The following GALNT1 variants were observed in gnomAD, a reference collection of about 807,000 sequenced individuals.
The protein encoded by GALNT1 is polypeptide N-acetylgalactosaminyltransferase 1, also known as GalNAc transferase 1.
Under a neutral mutation model 65.7 loss-of-function variants are expected in GALNT1, and 17 were observed. The ratio of observed to expected loss-of-function variants is 0.26; its 90% CI spans 0.18 to 0.39. GALNT1 has a LOEUF of 0.39. Ranked by LOEUF, GALNT1 falls within the 10% of genes least tolerant of loss-of-function variation. The probability of loss-of-function intolerance (pLI) is 1.00; values close to 1 mark genes in which losing one functional copy is unlikely to be tolerated. For missense variants in GALNT1, 460 were observed against 672.8 expected (o/e 0.68, Z 3.50); for synonymous variants, 210 against 219.7 (o/e 0.96, Z 0.39).
chr18:35,659,019 C>T (rs1191338887), intron 2 of GALNT1, among the ~76,000 whole-genome samples: 1 of 152,002 alleles, frequency 6.6e-6, no homozygotes, highest in Non-Finnish European at 1.5e-5. Context: ...ATCAAAGTCT[C>T]TCTTAATAGA....
chr18:35,637,769 A>G (rs1488178095), intron 1 of GALNT1, among the ~76,000 whole-genome samples: 1 of 150,358 alleles, frequency 6.7e-6, no homozygotes, highest in African/African-American at 2.5e-5. Flanking sequence ...TCATAGGTAG[A>G]GAGAAGTCAG....
rs147939443 is a variant in GALNT1 at position 35,631,456 on chromosome 18, C to T, written c.-103-23104C>T. On this transcript the variant is annotated intron_variant, in intron 1 of 11. Transcript: ENST00000269195. ...TATAAACAGAACCAACGAGAAAAGCCACATGATTATCTCAATAGATGCAGA... is the reference window on the plus strand; with the variant it reads ...TATAAACAGAACCAACGAGAAAAGCTACATGATTATCTCAATAGATGCAGA... Among the ~76,000 whole-genome samples, 6 of 152,166 alleles carry T rather than the reference C, an allele frequency of 3.9e-5. No individual in the cohort carries two copies. The East Asian group carries it at 1.2e-3, about 29-fold the overall frequency.
chr18:35,619,121 G>A (rs2046820674), intron 1 of GALNT1, among the ~76,000 whole-genome samples: 2 of 152,146 alleles, frequency 1.3e-5, no homozygotes, highest in African/African-American at 2.4e-5. Context: ...TGGTACCTGC[G>A]ATAAATCTGT....
At chr18:35,605,006 TTCA>T (rs1405873160) in intron 1 of GALNT1, among the ~76,000 whole-genome samples, 1 of 152,208 alleles carries the variant, frequency 6.6e-6, no homozygotes. Flanking sequence ...TAATTTACTT[TTCA>T]TCTCAGATAT....
intron 11 of GALNT1, among the ~76,000 whole-genome samples, chr18:35,706,527 AAAG>A (rs2048264224): frequency 6.6e-6 from 1 of 151,848 alleles, no homozygotes; most frequent in Non-Finnish European, 1.5e-5. Context: ...ATTTTAAAAA[AAAG>A]AGCCAGTTAT....
At chr18:35,694,035 G>T (rs2048012472) in intron 9 of GALNT1, among the ~76,000 whole-genome samples, 1 of 152,116 alleles carries the variant, frequency 6.6e-6, no homozygotes, top group African/African-American at 2.4e-5. Flanking sequence ...AAGAGGAAGT[G>T]ATCAGCTGTA....
chr18:35,679,534 A>C (rs1275162085), intron 4 of GALNT1, among the ~76,000 whole-genome samples: 3 of 152,130 alleles, frequency 2.0e-5, no homozygotes, highest in Admixed American at 6.5e-5. Flanking sequence ...CTGTGAGAGG[A>C]AACTGGTGTG....
At chr18:35,619,325 G>C (rs1374587895) in intron 1 of GALNT1, among the ~76,000 whole-genome samples, 2 of 152,042 alleles carry the variant, frequency 1.3e-5, no homozygotes, top group Admixed American at 1.3e-4. Flanking sequence ...GATCTCAAAA[G>C]GTCGCTTAAG....
At chr18:35,643,159 A>G (rs2047187457) in intron 1 of GALNT1, among the ~76,000 whole-genome samples, 1 of 152,048 alleles carries the variant, frequency 6.6e-6, no homozygotes, top group African/African-American at 2.4e-5. Context: ...TCTGTTTGTA[A>G]TGGTTACATA....
chr18:35,675,134 T>C (rs1042650374), intron 3 of GALNT1, among the ~76,000 whole-genome samples: 6 of 150,658 alleles, frequency 4.0e-5, no homozygotes, highest in Non-Finnish European at 8.9e-5. Flanking sequence ...CCCATCCCCC[T>C]ACCCACTTCA....
chr18:35,633,943 A>G (rs2047055978), intron 1 of GALNT1, among the ~76,000 whole-genome samples: 1 of 152,198 alleles, frequency 6.6e-6, no homozygotes, highest in Non-Finnish European at 1.5e-5. Context: ...TAATCCTGTC[A>G]TGTGATCTAG....
rs999638934 is a variant in GALNT1, at chr18:35,674,518, T to C, written c.315-3073T>C. On this transcript the variant is annotated intron_variant, in intron 3 of 11. Coordinates refer to ENST00000269195, the MANE Select transcript of GALNT1 (RefSeq NM_020474.4). ...GGAGGGAAGTTTCTTCCTCCTGCAT[T>C]GTCCCTGCAGCACCTTCTACCTACA... 2.6e-5 allele frequency among the ~76,000 whole-genome samples: 4 copies of C among 152,142 alleles called. No individual in the cohort carries two copies. In the East Asian group the frequency reaches 7.7e-4, roughly 29 times the overall value.
chr18:35,669,605 G>T (rs991581939), intron 3 of GALNT1, among the ~76,000 whole-genome samples: 1 of 152,118 alleles, frequency 6.6e-6, no homozygotes, highest in Non-Finnish European at 1.5e-5. Context: ...TTAGATACAG[G>T]AAAAACATTT....
intron 1 of GALNT1, among the ~76,000 whole-genome samples, chr18:35,633,013 A>G (rs1363527652): frequency 6.6e-6 from 1 of 152,268 alleles, no homozygotes; most frequent in Non-Finnish European, 1.5e-5. Context: ...CACACCAGTT[A>G]GAATGGTGAT....
At chr18:35,705,602 A>G (rs976609932) in intron 11 of GALNT1, among the ~76,000 whole-genome samples, 1 of 152,208 alleles carries the variant, frequency 6.6e-6, no homozygotes, top group Non-Finnish European at 1.5e-5. Flanking sequence ...GGTATGTAGC[A>G]TCTCTGGCTC....
At chr18:35,593,049 A>G (rs2143881470) in intron 1 of GALNT1, among the ~76,000 whole-genome samples, 1 of 152,236 alleles carries the variant, frequency 6.6e-6, no homozygotes, top group South Asian at 2.1e-4. Context: ...GAGTTGCAAG[A>G]CGTGGGAGGC....
At position 35,680,577 on chromosome 18, in the gene GALNT1, T is replaced by G. The variant is rs145506691; in HGVS notation, c.482-2814T>G. On this transcript the variant is annotated intron_variant, in intron 4 of 11. Transcript: ENST00000269195. ...TACACTGGTATATTTAATCTTCACA[T>G]TTACTTCTTCTCTGTGCAAACTTCC... is the stretch of plus-strand genomic sequence containing the variant. Among the ~76,000 whole-genome samples, 87 of 152,346 alleles carry G rather than the reference T, an allele frequency of 5.7e-4. 1 individual carries two copies. The highest frequency in any genetic ancestry group is 1.7e-3 in the African/African-American group (69 of 41,580).
At chr18:35,690,983 T>C (rs760976712) in intron 7 of GALNT1, 29 bp from the exon 8 acceptor site, 1 of 1,536,850 alleles carries the variant, frequency 6.5e-7, no homozygotes, top group East Asian at 2.3e-5. Flanking sequence ...CTCAGCTACA[T>C]GTTACATGGT....
intron 1 of GALNT1, among the ~76,000 whole-genome samples, chr18:35,632,018 A>G (rs1424479761): frequency 2.0e-5 from 3 of 152,210 alleles, no homozygotes; most frequent in African/African-American, 7.2e-5. Context: ...CTTCAAGGAG[A>G]ACTACAAACC....
Sources: gnomAD v4.1 joint callset for allele counts (sites outside exome capture counted in the v4.1 genomes callset) on GRCh38, gnomAD v4.1.1 for gene constraint, MANE v1.5 for transcripts, NCBI Gene and HGNC (gene_info 2026-07-23, HGNC 2026-07-21) for gene names.